SEMA6D: variants seen among roughly 807,000 people sequenced by gnomAD.
The protein encoded by SEMA6D is semaphorin 6D, also known as semaphorin-6D.
A neutral mutation model predicts 106.6 loss-of-function variants in SEMA6D; 35 were observed. The observed-to-expected ratio is 0.33, with a 90% CI of 0.25 to 0.44. The LOEUF is 0.44. Among genes scored for constraint, SEMA6D ranks in the 20% least tolerant of loss-of-function variants. The pLI, the probability that SEMA6D is intolerant of heterozygous loss-of-function variation, is 1.00. For synonymous variants in SEMA6D, 499 were observed against 487.7 expected (o/e 1.02, Z -0.31); for missense variants, 1,185 against 1,345.9 (o/e 0.88, Z 1.87).
At chr15:47,635,729 G>T (rs1256830112) in intron 4 of SEMA6D, among the ~76,000 whole-genome samples, 1 of 152,004 alleles carries the variant, frequency 6.6e-6, no homozygotes, top group Non-Finnish European at 1.5e-5. Context: ...TCAGTTGACT[G>T]CCAGTATTAG....
At chr15:47,405,099 G>A (rs754093471) in intron 1 of SEMA6D, among the ~76,000 whole-genome samples, 4 of 152,072 alleles carry the variant, frequency 2.6e-5, no homozygotes, top group African/African-American at 7.2e-5. Context: ...AGGGCATATT[G>A]GAAGTGTTTC....
intron 3 of SEMA6D, among the ~76,000 whole-genome samples, chr15:47,541,045 T>C (rs1213543316): frequency 6.6e-6 from 1 of 152,178 alleles, no homozygotes; most frequent in Non-Finnish European, 1.5e-5. Flanking sequence ...AGAATTTTAA[T>C]GACATGATCA....
intron 1 of SEMA6D, among the ~76,000 whole-genome samples, chr15:47,256,561 A>T (rs948731402): frequency 6.6e-6 from 1 of 152,168 alleles, no homozygotes; most frequent in Non-Finnish European, 1.5e-5. Flanking sequence ...ACCTTACTGA[A>T]AGCACTTAAT....
intron 1 of SEMA6D, among the ~76,000 whole-genome samples, chr15:47,198,374 G>A (rs1894498903): frequency 6.6e-6 from 1 of 151,994 alleles, no homozygotes; most frequent in Admixed American, 6.6e-5. Flanking sequence ...ATGTTGATTG[G>A]CTTGATTATA....
Position 47,643,029 on chromosome 15 carries a change from G to A in SEMA6D, c.-55+42133G>A, listed in dbSNP as rs866365767. Among the ~76,000 whole-genome samples, 4 of 152,186 alleles carry A rather than the reference G, an allele frequency of 2.6e-5. No individual in the cohort carries two copies. In the Middle Eastern group the frequency reaches 0.014, roughly 518 times the overall value. On this transcript the variant is annotated intron_variant, in intron 4 of 19. Transcript: ENST00000558014. Reference sequence around the variant, plus strand: ...GAGAGAGAGACAGAAATAGGAATAAGAGAGAGAGAAATAGGAACAAGGTTG... The same window carrying A: ...GAGAGAGAGACAGAAATAGGAATAAAAGAGAGAGAAATAGGAACAAGGTTG...
At chr15:47,608,731 A>C (rs563892927) in intron 4 of SEMA6D, among the ~76,000 whole-genome samples, 11 of 152,246 alleles carry the variant, frequency 7.2e-5, no homozygotes, top group African/African-American at 2.6e-4. Context: ...ACAATAATTC[A>C]ATCTCCTTCT....
chr15:47,462,409 A>C (rs192557032), intron 2 of SEMA6D, among the ~76,000 whole-genome samples: 59 of 152,194 alleles, frequency 3.9e-4, no homozygotes, highest in Admixed American at 3.5e-3. Context: ...CAAATGCTTC[A>C]TGTATCCCAA....
chr15:47,711,717 A>G (rs185530403), intron 4 of SEMA6D, among the ~76,000 whole-genome samples: 2 of 152,350 alleles, frequency 1.3e-5, no homozygotes, highest in East Asian at 1.9e-4. Context: ...AATATATTCA[A>G]TGTTAATAAA....
chr15:47,679,932 A>G (rs2078318839), intron 4 of SEMA6D, among the ~76,000 whole-genome samples: 1 of 152,176 alleles, frequency 6.6e-6, no homozygotes. Context: ...ATTAAATGAC[A>G]AAAGTGGGCC....
intron 3 of SEMA6D, among the ~76,000 whole-genome samples, chr15:47,577,782 G>C (rs1865646): frequency 0.74 from 112,321 of 152,136 alleles, 41,957 homozygotes; most frequent in African/African-American, 0.84. Flanking sequence ...AAGTTAACCT[G>C]TTCTCTGCCT....
At chr15:47,613,045 A>G (rs2076941819) in intron 4 of SEMA6D, among the ~76,000 whole-genome samples, 1 of 152,170 alleles carries the variant, frequency 6.6e-6, no homozygotes, top group Non-Finnish European at 1.5e-5. Flanking sequence ...TTATTTTTCC[A>G]TTATTTTTGA....
chr15:47,602,084 T>C (rs1020369688), intron 4 of SEMA6D, among the ~76,000 whole-genome samples: 1 of 152,230 alleles, frequency 6.6e-6, no homozygotes, highest in African/African-American at 2.4e-5. Context: ...TGGAATGTAG[T>C]CATCTTACTC....
chr15:47,320,349 G>T (rs912424738), intron 1 of SEMA6D, among the ~76,000 whole-genome samples: 5 of 152,132 alleles, frequency 3.3e-5, no homozygotes, highest in African/African-American at 9.7e-5. Flanking sequence ...TCTCTCTATT[G>T]TAAAGAGTCT....
Position 47,693,545 on chromosome 15 carries a change from A to G in SEMA6D, c.-54-66200A>G, listed in dbSNP as rs976416164. 2.0e-5 allele frequency among the ~76,000 whole-genome samples: 3 copies of G among 152,128 alleles called. No homozygotes were observed. The East Asian group carries it at 5.8e-4, about 29-fold the overall frequency. On this transcript the variant is annotated intron_variant, in intron 4 of 19. Transcript: ENST00000558014. ...ATCACTGTGACAGTCCCCAAGCCCT[A>G]AGACAGTGATTCTCAGTCCTGCCTG...
chr15:47,307,415 G>C (rs1340625167), intron 1 of SEMA6D, among the ~76,000 whole-genome samples: 2 of 152,210 alleles, frequency 1.3e-5, no homozygotes, highest in Non-Finnish European at 2.9e-5. Context: ...AGGATGAGTG[G>C]TGATGAAATT....
upstream of SEMA6D, among the ~76,000 whole-genome samples, chr15:47,714,317 C>T (rs1242752756): frequency 6.6e-6 from 1 of 152,070 alleles, no homozygotes; most frequent in Non-Finnish European, 1.5e-5. Flanking sequence ...CTCTAAGCTT[C>T]AGTTTTCTCA....
rs531439371 is a variant in SEMA6D at position 47,195,592 on chromosome 15, C to A, written c.-239+11174C>A. On this transcript the variant is annotated intron_variant, in intron 1 of 19. Transcript: ENST00000558014. ...ACCATGGTCTTACCAGATGTCAAAACCACACTCTTGTTCTTTTCATGATGC... is the reference window on the plus strand; with the variant it reads ...ACCATGGTCTTACCAGATGTCAAAAACACACTCTTGTTCTTTTCATGATGC... Among the ~76,000 whole-genome samples the A allele has an allele frequency of 3.9e-5, 6 of 152,172 alleles. No homozygotes were observed. The South Asian group carries it at 8.3e-4, about 21-fold the overall frequency.
chr15:47,415,663 C>A (rs999590059), intron 2 of SEMA6D, among the ~76,000 whole-genome samples: 1 of 152,076 alleles, frequency 6.6e-6, no homozygotes, highest in African/African-American at 2.4e-5. Flanking sequence ...AAATATACCC[C>A]CATAGCCCTG....
chr15:47,382,126 C>T (rs2039659183), intron 1 of SEMA6D, among the ~76,000 whole-genome samples: 1 of 152,114 alleles, frequency 6.6e-6, no homozygotes, highest in Non-Finnish European at 1.5e-5. Context: ...GCCATATTAA[C>T]ATGGCAAAAG....
Sources: gnomAD v4.1 joint callset for allele counts (sites outside exome capture counted in the v4.1 genomes callset) on GRCh38, gnomAD v4.1.1 for gene constraint, MANE v1.5 for transcripts, NCBI Gene and HGNC (gene_info 2026-07-23, HGNC 2026-07-21) for gene names.